OPRM1: variants seen among roughly 807,000 people sequenced by gnomAD.
OPRM1 encodes mu-type opioid receptor.
In OPRM1, 27 loss-of-function variants were observed where a neutral mutation model predicts 31.8. That is an observed-to-expected ratio of 0.85 (90% CI 0.63 to 1.17). The LOEUF (loss-of-function observed/expected upper bound fraction) is 1.17, where lower values mean the gene tolerates loss of function less well. OPRM1 is among the 50% of genes most tolerant of loss of function. The probability of loss-of-function intolerance (pLI) is 0.00; values close to 1 mark genes in which losing one functional copy is unlikely to be tolerated. For synonymous variants in OPRM1, 196 were observed against 189.9 expected, an observed-to-expected ratio of 1.03 and a Z score of -0.26; for missense variants, 536 against 511.1, an observed-to-expected ratio of 1.05 and a Z score of -0.47.
intron 3 of OPRM1, chr6:154,223,332 A>T: frequency 1.0e-6 from 1 of 997,218 alleles, no homozygotes; most frequent in African/African-American, 1.6e-5. Flanking sequence ...TAGGGATGGT[A>T]TAAATGACAT....
At chr6:154,103,806 G>A (rs1002068637) in intron 3 of OPRM1, among the ~76,000 whole-genome samples, 2 of 152,040 alleles carry the variant, frequency 1.3e-5, no homozygotes, top group Admixed American at 1.3e-4. Context: ...GGACAACCAG[G>A]GGTCACTCTT....
At chr6:154,051,931 T>C (rs1378351825) in intron 1 of OPRM1, among the ~76,000 whole-genome samples, 1 of 152,126 alleles carries the variant, frequency 6.6e-6, no homozygotes, top group Non-Finnish European at 1.5e-5. Context: ...CCAACCCAAA[T>C]GCCCATCAAT....
chr6:154,170,548 T>A (rs1216367428), intron 3 of OPRM1, among the ~76,000 whole-genome samples: 1 of 152,226 alleles, frequency 6.6e-6, no homozygotes, highest in Non-Finnish European at 1.5e-5. Context: ...AAAATGTTCA[T>A]CAGCACAACC....
At chr6:154,149,648 A>G (rs1798447978) in intron 3 of OPRM1, among the ~76,000 whole-genome samples, 2 of 151,742 alleles carry the variant, frequency 1.3e-5, no homozygotes, top group Non-Finnish European at 2.9e-5. Flanking sequence ...AGAGAGAGAG[A>G]GAGAGAGAGA....
At chr6:154,184,023 A>T (rs568601401) in intron 3 of OPRM1, among the ~76,000 whole-genome samples, 2 of 152,260 alleles carry the variant, frequency 1.3e-5, no homozygotes, top group East Asian at 3.9e-4. Context: ...AACTCTAGTC[A>T]CTATGCTGCA....
At chr6:154,028,964 T>A (rs191616726) in intron 1 of OPRM1, among the ~76,000 whole-genome samples, 7 of 152,314 alleles carry the variant, frequency 4.6e-5, no homozygotes, top group Non-Finnish European at 7.4e-5. Flanking sequence ...TATGAGGTAC[T>A]TTTTTGTGTA....
chr6:154,241,404 G>T (rs910549401), intron 3 of OPRM1, among the ~76,000 whole-genome samples: 1 of 150,868 alleles, frequency 6.6e-6, no homozygotes, highest in Admixed American at 6.6e-5. Flanking sequence ...TTTATACAAA[G>T]AAACAATGTA....
intron 1 of OPRM1, among the ~76,000 whole-genome samples, chr6:154,078,275 CTATT>C (rs1157092762): frequency 6.6e-6 from 1 of 152,170 alleles, no homozygotes; most frequent in Non-Finnish European, 1.5e-5. Context: ...TTCCAACTGC[CTATT>C]TAATTTCCTT....
intron 1 of OPRM1, among the ~76,000 whole-genome samples, chr6:154,088,098 A>T (rs1298126335): frequency 6.6e-6 from 1 of 151,996 alleles, no homozygotes; most frequent in Non-Finnish European, 1.5e-5. Flanking sequence ...AAAAAAAAAA[A>T]CAGATGAATG....
intron 3 of OPRM1, among the ~76,000 whole-genome samples, chr6:154,223,609 C>T (rs1258551408): frequency 3.9e-5 from 6 of 152,166 alleles, no homozygotes; most frequent in South Asian, 2.1e-4. Context: ...TCTATTCCTA[C>T]GACTCTAGTC....
At chr6:154,172,285 G>A (rs1799936792) in intron 3 of OPRM1, among the ~76,000 whole-genome samples, 1 of 152,208 alleles carries the variant, frequency 6.6e-6, no homozygotes, top group Non-Finnish European at 1.5e-5. Flanking sequence ...CATTGGGACT[G>A]GTTGGACAGT....
rs1235167838 is a variant in OPRM1, at chr6:154,152,322, AGAAAGAAAGAAAGAAAGAAAGAAAG to A, written c.1164+60876_1164+60900del. 5.6e-3 allele frequency among the ~76,000 whole-genome samples: 242 copies of A among 42,960 alleles called. 2 individuals are homozygous for A. Among genetic ancestry groups the A allele is most frequent in the African/African-American group, 0.017 (227 of 13,310 alleles). The allele number at this position is 42,960 out of a possible 152,430, so 28.2% of individuals were successfully genotyped here. On this transcript the variant is annotated intron_variant, in intron 3 of 3. Coordinates refer to the OPRM1 transcript ENST00000337049. Reference sequence around the variant, plus strand: ...AAGAAAGAAAGAAAGAAAGAAAGAAAGAAAGAAAGAAAGAAAGAAAGAAAGGAAAGAAAGAAAGAAAGAAAGAAAG... The same window carrying A: ...AAGAAAGAAAGAAAGAAAGAAAGAAAGAAAGAAAGAAAGAAAGAAAGAAAG...
chr6:154,173,247 C>A (rs1008394496), intron 3 of OPRM1, among the ~76,000 whole-genome samples: 1 of 152,112 alleles, frequency 6.6e-6, no homozygotes, highest in African/African-American at 2.4e-5. Flanking sequence ...TTCCAAAAAC[C>A]AGAACACCTC....
intron 3 of OPRM1, among the ~76,000 whole-genome samples, chr6:154,215,100 G>A (rs572966411): frequency 5.3e-5 from 8 of 152,248 alleles, no homozygotes; most frequent in Admixed American, 1.3e-4. Context: ...GGGAAAATCC[G>A]TGCTACACGT....
chr6:154,104,262 A>C (rs632499), intron 3 of OPRM1, among the ~76,000 whole-genome samples: 98,472 of 152,088 alleles, frequency 0.65, 32,438 homozygotes, highest in East Asian at 0.9. Flanking sequence ...AAGATTAATA[A>C]ATGTTTAGTT....
intron 3 of OPRM1, among the ~76,000 whole-genome samples, chr6:154,140,108 A>T (rs956919866): frequency 2.6e-5 from 4 of 152,156 alleles, no homozygotes; most frequent in African/African-American, 9.7e-5. Flanking sequence ...TTCTCAAAGC[A>T]ATTAACAATT....
At chr6:154,099,926 TATC>T (rs1003530181) in intron 3 of OPRM1, among the ~76,000 whole-genome samples, 20 of 139,378 alleles carry the variant, frequency 1.4e-4, no homozygotes, top group East Asian at 1.0e-3. Flanking sequence ...TAACATGTAT[TATC>T]ATATTATGAT....
chr6:154,236,079 CAG>C (rs1780106894), intron 3 of OPRM1, among the ~76,000 whole-genome samples: 2 of 152,176 alleles, frequency 1.3e-5, no homozygotes, highest in African/African-American at 4.8e-5. Context: ...GAATTGAAAG[CAG>C]AGTCTCATCT....
At chr6:154,015,544 A>G (rs1039870463) in intron 1 of OPRM1, among the ~76,000 whole-genome samples, 1 of 152,024 alleles carries the variant, frequency 6.6e-6, no homozygotes, top group African/African-American at 2.4e-5. Context: ...AAAAAATTAA[A>G]CCCTGTAGTA....
Sources: gnomAD v4.1 joint callset for allele counts (sites outside exome capture counted in the v4.1 genomes callset) on GRCh38, gnomAD v4.1.1 for gene constraint, MANE v1.5 for transcripts, NCBI Gene and HGNC (gene_info 2026-07-23, HGNC 2026-07-21) for gene names.